The following GPATCH2 variants were observed in gnomAD, a reference collection of about 807,000 sequenced individuals.
The protein encoded by GPATCH2 is G-patch domain containing 2.
In GPATCH2, 51 loss-of-function variants were observed where a neutral mutation model predicts 58.0. That is an observed-to-expected ratio of 0.88 (90% CI 0.70 to 1.11). The LOEUF is 1.11. Ranked by LOEUF, GPATCH2 falls within the 50% of genes most tolerant of loss-of-function variation. The probability of loss-of-function intolerance (pLI) is 0.00; values close to 1 mark genes in which losing one functional copy is unlikely to be tolerated. For missense variants in GPATCH2, 625 were observed against 652.2 expected (o/e 0.96, Z 0.45); for synonymous variants, 222 against 218.5 (o/e 1.02, Z -0.14).
intron 5 of GPATCH2, among the ~76,000 whole-genome samples, chr1:217,578,459 C>T (rs187771001): frequency 1.3e-5 from 2 of 152,190 alleles, no homozygotes; most frequent in African/African-American, 4.8e-5. Flanking sequence ...ACTATGATGC[C>T]CAGGGTGGTC....
intron 5 of GPATCH2, chr1:217,608,520 A>G (rs751783022): frequency 3.9e-5 from 38 of 984,686 alleles, no homozygotes; most frequent in Non-Finnish European, 4.5e-5. Context: ...TCTATAAAAT[A>G]CCACAGTGAG....
chr1:217,591,275 A>G (rs557094878), intron 5 of GPATCH2, among the ~76,000 whole-genome samples: 6 of 152,260 alleles, frequency 3.9e-5, no homozygotes, highest in African/African-American at 1.4e-4. Flanking sequence ...GGACATATAT[A>G]TATGAATTTT....
chr1:217,451,174 TTA>T (rs1437167352), intron 8 of GPATCH2, among the ~76,000 whole-genome samples: 1 of 152,174 alleles, frequency 6.6e-6, no homozygotes, highest in East Asian at 1.9e-4. Flanking sequence ...ACTGTATTAT[TTA>T]GTCCTTACAA....
chr1:217,476,983 TGGA>T (rs1660998414), intron 8 of GPATCH2, among the ~76,000 whole-genome samples: 1 of 151,988 alleles, frequency 6.6e-6, no homozygotes, highest in African/African-American at 2.4e-5. Flanking sequence ...TTTCATCTTC[TGGA>T]GGAGATGAGA....
intron 9 of GPATCH2, among the ~76,000 whole-genome samples, chr1:217,446,767 TA>T (rs537302869): frequency 1.3e-4 from 20 of 152,146 alleles, no homozygotes; most frequent in African/African-American, 3.9e-4. Flanking sequence ...TAAGCTTATA[TA>T]AAAAAAACTG....
intron 8 of GPATCH2, among the ~76,000 whole-genome samples, chr1:217,450,841 T>TTA (rs968441515): frequency 6.6e-6 from 1 of 152,138 alleles, no homozygotes; most frequent in Non-Finnish European, 1.5e-5. Context: ...CTTTTTAAGA[T>TTA]TATATATACA....
At chr1:217,459,765 T>G (rs559987608) in intron 8 of GPATCH2, among the ~76,000 whole-genome samples, 1 of 152,246 alleles carries the variant, frequency 6.6e-6, no homozygotes, top group East Asian at 1.9e-4. Flanking sequence ...TTCCTAACTT[T>G]TTTGAGGGAA....
At chr1:217,626,406 A>G (rs1669458307) in intron 1 of GPATCH2, among the ~76,000 whole-genome samples, 1 of 152,190 alleles carries the variant, frequency 6.6e-6, no homozygotes, top group East Asian at 1.9e-4. Context: ...TTTATTTAAG[A>G]TAGAAAATGT....
At chr1:217,509,819 G>A (rs1052018093) in intron 6 of GPATCH2, among the ~76,000 whole-genome samples, 1 of 151,974 alleles carries the variant, frequency 6.6e-6, no homozygotes, top group Non-Finnish European at 1.5e-5. Flanking sequence ...GTCCATTAAT[G>A]GGAATAAAAC....
intron 5 of GPATCH2, among the ~76,000 whole-genome samples, chr1:217,546,453 G>C (rs1206267567): frequency 6.6e-6 from 1 of 152,122 alleles, no homozygotes; most frequent in Non-Finnish European, 1.5e-5. Flanking sequence ...CAGAAATAAG[G>C]CTGCACACCT....
chr1:217,512,330 A>T (rs1216368016), intron 6 of GPATCH2, among the ~76,000 whole-genome samples: 1 of 152,172 alleles, frequency 6.6e-6, no homozygotes, highest in East Asian at 1.9e-4. Flanking sequence ...CCTGTCTAAA[A>T]AAATAAATAA....
intron 5 of GPATCH2, among the ~76,000 whole-genome samples, chr1:217,558,649 A>G (rs1221686960): frequency 6.6e-6 from 1 of 152,160 alleles, no homozygotes; most frequent in Non-Finnish European, 1.5e-5. Flanking sequence ...AGTTGTGGTC[A>G]TCATTAAAAC....
chr1:217,523,748 G>C (rs1458050121), intron 5 of GPATCH2, among the ~76,000 whole-genome samples: 5 of 149,326 alleles, frequency 3.3e-5, no homozygotes, highest in East Asian at 2.0e-4. Context: ...CAGTAGGGGC[G>C]GCCGGGCAGA....
intron 5 of GPATCH2, among the ~76,000 whole-genome samples, chr1:217,555,637 A>G (rs1003265106): frequency 6.6e-6 from 1 of 152,232 alleles, no homozygotes; most frequent in Non-Finnish European, 1.5e-5. Context: ...TAACTAACAT[A>G]AAGCAACATC....
chr1:217,613,129 G>A (rs888733015), intron 3 of GPATCH2, among the ~76,000 whole-genome samples: 20 of 151,870 alleles, frequency 1.3e-4, no homozygotes, highest in Non-Finnish European at 2.5e-4. Flanking sequence ...ATATTATCAG[G>A]ATGGTTACCC....
At chr1:217,525,715 T>G (rs1663869396) in intron 5 of GPATCH2, among the ~76,000 whole-genome samples, 1 of 152,158 alleles carries the variant, frequency 6.6e-6, no homozygotes. Flanking sequence ...CTTTTTAATT[T>G]TTTGGGGGGT....
chr1:217,567,107 C>T (rs954951042), intron 5 of GPATCH2, among the ~76,000 whole-genome samples: 9 of 141,696 alleles, frequency 6.4e-5, no homozygotes, highest in African/African-American at 1.3e-4. Context: ...AGTGCAATGG[C>T]GCGATCTTGG....
intron 8 of GPATCH2, among the ~76,000 whole-genome samples, chr1:217,449,716 GAAC>G (rs1659570128): frequency 6.6e-6 from 1 of 152,140 alleles, no homozygotes; most frequent in African/African-American, 2.4e-5. Context: ...TTTACTGTCA[GAAC>G]AACATTTATT....
chr1:217,580,369 T>C (rs1329796745), intron 5 of GPATCH2, among the ~76,000 whole-genome samples: 2 of 152,196 alleles, frequency 1.3e-5, no homozygotes, highest in African/African-American at 2.4e-5. Flanking sequence ...GTAATTATGA[T>C]GCTGATCTCT....
Sources: allele counts gnomAD v4.1 joint callset (sites outside exome capture counted in the v4.1 genomes callset), GRCh38; gene constraint gnomAD v4.1.1; transcripts MANE v1.5; gene names NCBI Gene and HGNC (gene_info 2026-07-23, HGNC 2026-07-21).